Variants in KCNH8 observed in about 807,000 individuals in gnomAD.
The protein encoded by KCNH8 is potassium voltage-gated channel subfamily H member 8.
Under a neutral mutation model 103.6 loss-of-function variants are expected in KCNH8, and 70 were observed. That is an observed-to-expected ratio of 0.68 (90% CI 0.56 to 0.82). The LOEUF (loss-of-function observed/expected upper bound fraction) is 0.82. KCNH8 is among the 40% of genes least tolerant of loss of function. The pLI, the probability that KCNH8 is intolerant of heterozygous loss-of-function variation, is 0.00. For missense variants in KCNH8, 1,217 were observed against 1,329.9 expected (o/e 0.92, Z 1.32); for synonymous variants, 498 against 489.4 (o/e 1.02, Z -0.23).
intron 5 of KCNH8, among the ~76,000 whole-genome samples, chr3:19,381,791 G>GTA (rs2066291904): frequency 6.6e-6 from 1 of 152,074 alleles, no homozygotes. Flanking sequence ...AAGTGAATTC[G>GTA]TATAGTCTCT....
intron 2 of KCNH8, among the ~76,000 whole-genome samples, chr3:19,261,685 G>A (rs922659173): frequency 6.6e-6 from 1 of 151,766 alleles, no homozygotes; most frequent in Admixed American, 6.6e-5. Context: ...CAATGTCTTG[G>A]AGAGGAGCTT....
intron 1 of KCNH8, among the ~76,000 whole-genome samples, chr3:19,224,020 A>T (rs7355898): frequency 0.017 from 2,524 of 152,272 alleles, 64 homozygotes; most frequent in African/African-American, 0.058. Flanking sequence ...ATCTATAGTG[A>T]CACATCTTAT....
intron 11 of KCNH8, among the ~76,000 whole-genome samples, chr3:19,483,732 A>G (rs2068139256): frequency 6.6e-6 from 1 of 152,174 alleles, no homozygotes; most frequent in Admixed American, 6.5e-5. Flanking sequence ...CCTGAAACTA[A>G]GATATTTACT....
intron 1 of KCNH8, among the ~76,000 whole-genome samples, chr3:19,225,862 A>G (rs1423855627): frequency 6.6e-6 from 1 of 152,196 alleles, no homozygotes; most frequent in Non-Finnish European, 1.5e-5. Context: ...CTTGTGAGTG[A>G]TATTTTCCTC....
chr3:19,423,676 G>A (rs1014110048), intron 7 of KCNH8, among the ~76,000 whole-genome samples: 3 of 151,576 alleles, frequency 2.0e-5, no homozygotes, highest in Admixed American at 6.6e-5. Flanking sequence ...CTGTATCCAC[G>A]CATTGGTTAA....
chr3:19,441,664 G>A (rs2067286382), intron 8 of KCNH8, among the ~76,000 whole-genome samples: 3 of 152,166 alleles, frequency 2.0e-5, no homozygotes, highest in Non-Finnish European at 2.9e-5. Context: ...CCTTGATCAA[G>A]TAAGCATTCT....
At chr3:19,479,446 T>C (rs1371979487) in intron 11 of KCNH8, among the ~76,000 whole-genome samples, 1 of 152,182 alleles carries the variant, frequency 6.6e-6, no homozygotes, top group East Asian at 1.9e-4. Flanking sequence ...TAGTAGAGAC[T>C]CTGTTACTCA....
chr3:19,491,011 G>A (rs2068308369), intron 11 of KCNH8, among the ~76,000 whole-genome samples: 1 of 152,198 alleles, frequency 6.6e-6, no homozygotes, highest in South Asian at 2.1e-4. Flanking sequence ...ACTCTGGGCA[G>A]AATCTGGATT....
chr3:19,504,626 A>G (rs1253569663), intron 11 of KCNH8, among the ~76,000 whole-genome samples: 1 of 152,210 alleles, frequency 6.6e-6, no homozygotes, highest in East Asian at 1.9e-4. Context: ...CAAAACCATG[A>G]GATACCATCT....
intron 1 of KCNH8, among the ~76,000 whole-genome samples, chr3:19,167,063 G>A (rs1029443200): frequency 3.9e-5 from 6 of 152,202 alleles, no homozygotes; most frequent in African/African-American, 1.2e-4. Context: ...TCTGTCACAA[G>A]TGTCTCCTTT....
In KCNH8 at chr3:19,170,631, T is replaced by TACAC. The variant is rs1282962371; in HGVS notation, c.76+21840_76+21843dup. 2.4e-4 allele frequency among the ~76,000 whole-genome samples: 34 copies of TACAC among 140,346 alleles called. No homozygotes were observed. In the South Asian group the frequency reaches 5.2e-3, roughly 21 times the overall value. 92.1% of individuals were successfully genotyped at this position (140,346 alleles called of 152,430 possible). On this transcript the variant is annotated intron_variant, in intron 1 of 15. Transcript: ENST00000328405. ...ATATGTATACACACACATATATATATACACACATATATATACACACACATA... is the reference window on the plus strand; with the variant it reads ...ATATGTATACACACACATATATATATACACACACACATATATATACACACACATA...
intron 1 of KCNH8, among the ~76,000 whole-genome samples, chr3:19,186,003 A>G (rs963040316): frequency 6.6e-6 from 1 of 152,022 alleles, no homozygotes; most frequent in African/African-American, 2.4e-5. Flanking sequence ...TGTTACCCTC[A>G]TAGTTGTTGG....
At chr3:19,392,522 G>A (rs2066454547) in intron 6 of KCNH8, among the ~76,000 whole-genome samples, 1 of 151,760 alleles carries the variant, frequency 6.6e-6, no homozygotes, top group Non-Finnish European at 1.5e-5. Context: ...TTCTTCTCAG[G>A]AAAACATAAG....
chr3:19,343,235 C>T (rs1193512612), intron 4 of KCNH8, among the ~76,000 whole-genome samples: 1 of 152,070 alleles, frequency 6.6e-6, no homozygotes, highest in African/African-American at 2.4e-5. Flanking sequence ...TTTACAATTG[C>T]ATACCATACG....
rs530538315 is a variant in KCNH8 at position 19,380,487 on chromosome 3, A to G, written c.812-9994A>G. On this transcript the variant is annotated intron_variant, in intron 5 of 15. Coordinates refer to ENST00000328405, the MANE Select transcript of KCNH8 (RefSeq NM_144633.3). ...TATTTCTTATTGAGTTCCTGTGGCT[A>G]TTTGGATTTTGAATTCTGTTTGTCT... Among the ~76,000 whole-genome samples the G allele has an allele frequency of 5.9e-5, 9 of 152,122 alleles. No homozygotes were observed. In the South Asian group the frequency reaches 1.9e-3, roughly 32 times the overall value.
At chr3:19,206,222 T>TGA (rs1559422309) in intron 1 of KCNH8, among the ~76,000 whole-genome samples, 2 of 146,252 alleles carry the variant, frequency 1.4e-5, no homozygotes, top group African/African-American at 5.0e-5. Flanking sequence ...CATACCACAG[T>TGA]TATATATATA....
chr3:19,367,993 A>G (rs2066036583), intron 5 of KCNH8, among the ~76,000 whole-genome samples: 1 of 152,058 alleles, frequency 6.6e-6, no homozygotes, highest in Admixed American at 6.6e-5. Context: ...TAACAACCCT[A>G]AAAGGGAGAC....
At position 19,246,015 on chromosome 3, in the gene KCNH8, A is replaced by G. The variant is rs960954403; in HGVS notation, c.77-7639A>G. 3.3e-5 allele frequency among the ~76,000 whole-genome samples: 5 copies of G among 152,310 alleles called. No homozygotes were observed. In the South Asian group the frequency reaches 8.3e-4, roughly 25 times the overall value. Reference sequence around the variant, plus strand: ...CTGACAAGAATTAGTACAATTCAACACTAAAGCTCATATAGGTGGAAAAGT... The same window carrying G: ...CTGACAAGAATTAGTACAATTCAACGCTAAAGCTCATATAGGTGGAAAAGT... On this transcript the variant is annotated intron_variant, in intron 1 of 15. Coordinates refer to ENST00000328405, the MANE Select transcript of KCNH8 (RefSeq NM_144633.3).
At chr3:19,155,959 T>C (rs914400222) in intron 1 of KCNH8, among the ~76,000 whole-genome samples, 1 of 152,218 alleles carries the variant, frequency 6.6e-6, no homozygotes, top group African/African-American at 2.4e-5. Flanking sequence ...AATATTTCTT[T>C]GAGTAAAAGA....
Sources: allele counts gnomAD v4.1 joint callset (sites outside exome capture counted in the v4.1 genomes callset), GRCh38; gene constraint gnomAD v4.1.1; transcripts MANE v1.5; gene names NCBI Gene and HGNC (gene_info 2026-07-23, HGNC 2026-07-21).